Variants in ST6GALNAC3 observed in about 807,000 individuals in gnomAD.
The protein encoded by ST6GALNAC3 is ST6 N-acetylgalactosaminide alpha-2,6-sialyltransferase 3.
A neutral mutation model predicts 32.7 loss-of-function variants in ST6GALNAC3; 25 were observed. The ratio of observed to expected loss-of-function variants is 0.76; its 90% CI spans 0.56 to 1.07. The LOEUF (loss-of-function observed/expected upper bound fraction) is 1.07. Among genes scored for constraint, ST6GALNAC3 ranks in the 50% least tolerant of loss-of-function variants. ST6GALNAC3 has a pLI of 0.00. For synonymous variants in ST6GALNAC3, 129 were observed against 133.1 expected (o/e 0.97, Z 0.21); for missense variants, 355 against 382.4 (o/e 0.93, Z 0.60).
intron 3 of ST6GALNAC3, among the ~76,000 whole-genome samples, chr1:76,432,720 G>A (rs1439711450): frequency 1.3e-5 from 2 of 151,898 alleles, no homozygotes; most frequent in African/African-American, 4.8e-5. Context: ...ACATCCCAGA[G>A]TGCTGGGATT....
chr1:76,280,064 T>G (rs1659410657), intron 1 of ST6GALNAC3, among the ~76,000 whole-genome samples: 1 of 152,122 alleles, frequency 6.6e-6, no homozygotes, highest in Admixed American at 6.5e-5. Flanking sequence ...TTATTTGTTC[T>G]TTCCTTCTCC....
chr1:76,201,634 G>A (rs1055555345), intron 1 of ST6GALNAC3, among the ~76,000 whole-genome samples: 15 of 151,180 alleles, frequency 9.9e-5, no homozygotes, highest in Admixed American at 4.0e-4. Flanking sequence ...GAATATAGGC[G>A]GTAGGGAGAA....
At chr1:76,283,589 GTCTTGCCTCTTTTGATC>G (rs1159930642) in intron 1 of ST6GALNAC3, among the ~76,000 whole-genome samples, 4 of 152,164 alleles carry the variant, frequency 2.6e-5, no homozygotes, top group African/African-American at 9.7e-5. Context: ...GCTTCTCCAT[GTCTTGCCTCTTTTGATC>G]TCTTGCCTAA....
intron 1 of ST6GALNAC3, among the ~76,000 whole-genome samples, chr1:76,257,413 GC>G (rs1438942900): frequency 1.3e-5 from 2 of 152,074 alleles, no homozygotes; most frequent in Non-Finnish European, 2.9e-5. Context: ...TCACTGGGTA[GC>G]CCCCTGTAAG....
intron 1 of ST6GALNAC3, among the ~76,000 whole-genome samples, chr1:76,252,687 G>T (rs974093102): frequency 2.0e-5 from 3 of 152,062 alleles, no homozygotes; most frequent in African/African-American, 7.2e-5. Context: ...GTCCTTGGGG[G>T]TATTTAAGCA....
At chr1:76,175,628 A>G (rs1337872913) in intron 1 of ST6GALNAC3, among the ~76,000 whole-genome samples, 1 of 152,144 alleles carries the variant, frequency 6.6e-6, no homozygotes, top group African/African-American at 2.4e-5. Context: ...GTACCAGACA[A>G]TCAGAAAAAA....
At chr1:76,528,251 A>G (rs1252531122) in intron 3 of ST6GALNAC3, among the ~76,000 whole-genome samples, 2 of 152,152 alleles carry the variant, frequency 1.3e-5, no homozygotes, top group Non-Finnish European at 2.9e-5. Context: ...CCTGTGAGTA[A>G]TTATTTTGTG....
At chr1:76,506,508 G>T (rs1346256646) in intron 3 of ST6GALNAC3, among the ~76,000 whole-genome samples, 3 of 152,184 alleles carry the variant, frequency 2.0e-5, no homozygotes, top group Non-Finnish European at 4.4e-5. Flanking sequence ...TCCCTAGGTT[G>T]TGCCACATGC....
intron 3 of ST6GALNAC3, among the ~76,000 whole-genome samples, chr1:76,479,010 A>G (rs572583230): frequency 4.2e-4 from 64 of 151,990 alleles, no homozygotes; most frequent in South Asian, 1.2e-3. Context: ...TGATCTGCCC[A>G]CCTTGGCCTC....
intron 3 of ST6GALNAC3, among the ~76,000 whole-genome samples, chr1:76,608,653 C>T (rs537323604): frequency 1.3e-5 from 2 of 148,526 alleles, no homozygotes; most frequent in South Asian, 2.2e-4. Context: ...GTGTACCTGG[C>T]CCACTTCTTT....
chr1:76,424,004 G>GTACAA (rs1346314306), intron 3 of ST6GALNAC3, among the ~76,000 whole-genome samples: 1 of 151,896 alleles, frequency 6.6e-6, no homozygotes, highest in African/African-American at 2.4e-5. Flanking sequence ...CATTGTGGAG[G>GTACAA]TACAAAAGCT....
At chr1:76,174,217 A>G (rs1652704443) in intron 1 of ST6GALNAC3, among the ~76,000 whole-genome samples, 1 of 152,168 alleles carries the variant, frequency 6.6e-6, no homozygotes, top group Non-Finnish European at 1.5e-5. Flanking sequence ...TAACACAGGA[A>G]CAGAAAATCA....
intron 3 of ST6GALNAC3, among the ~76,000 whole-genome samples, chr1:76,495,329 G>A: frequency 6.6e-6 from 1 of 152,034 alleles, no homozygotes; most frequent in Admixed American, 6.6e-5. Flanking sequence ...TAATATTGTT[G>A]CAAATGAATC....
At chr1:76,578,457 G>T (rs1407982767) in intron 3 of ST6GALNAC3, among the ~76,000 whole-genome samples, 1 of 151,980 alleles carries the variant, frequency 6.6e-6, no homozygotes, top group African/African-American at 2.4e-5. Flanking sequence ...TCATAGTAGA[G>T]TATTAAGATG....
chr1:76,339,063 T>C (rs537184705), intron 2 of ST6GALNAC3, among the ~76,000 whole-genome samples: 2 of 152,246 alleles, frequency 1.3e-5, no homozygotes, highest in South Asian at 4.2e-4. Flanking sequence ...CCAGCTGTGG[T>C]TTGGAAGGCA....
At chr1:76,323,188 C>T (rs1647002210) in intron 2 of ST6GALNAC3, among the ~76,000 whole-genome samples, 1 of 151,558 alleles carries the variant, frequency 6.6e-6, no homozygotes, top group South Asian at 2.1e-4. Flanking sequence ...CAAACACAGA[C>T]TATAAAAATG....
At chr1:76,181,936 G>A (rs919916393) in intron 1 of ST6GALNAC3, among the ~76,000 whole-genome samples, 1 of 152,156 alleles carries the variant, frequency 6.6e-6, no homozygotes, top group Non-Finnish European at 1.5e-5. Flanking sequence ...GCTGTGACAG[G>A]ACGTGAACAC....
chr1:76,147,855 C>T (rs985946919), intron 1 of ST6GALNAC3, among the ~76,000 whole-genome samples: 2 of 152,084 alleles, frequency 1.3e-5, no homozygotes, highest in Non-Finnish European at 2.9e-5. Context: ...CTGTCATCAT[C>T]TCTCTTCACC....
At chr1:76,411,349 G>T (rs1319542581) in intron 2 of ST6GALNAC3, among the ~76,000 whole-genome samples, 1 of 152,066 alleles carries the variant, frequency 6.6e-6, no homozygotes, top group Non-Finnish European at 1.5e-5. Flanking sequence ...GACTGTCTGT[G>T]TATATACCTT....
Sources: gnomAD v4.1 joint callset for allele counts (sites outside exome capture counted in the v4.1 genomes callset) on GRCh38, gnomAD v4.1.1 for gene constraint, MANE v1.5 for transcripts, NCBI Gene and HGNC (gene_info 2026-07-23, HGNC 2026-07-21) for gene names.